SHISA9: variants seen among roughly 807,000 people sequenced by gnomAD.
SHISA9 encodes the protein shisa family member 9.
A neutral mutation model predicts 38.0 loss-of-function variants in SHISA9; 13 were observed. The observed-to-expected ratio is 0.34, with a 90% CI of 0.22 to 0.54. The LOEUF (loss-of-function observed/expected upper bound fraction) is 0.54, where lower values mean the gene tolerates loss of function less well. Among genes scored for constraint, SHISA9 ranks in the 20% least tolerant of loss-of-function variants. The pLI is 0.91. For missense variants in SHISA9, 538 were observed against 575.8 expected, an observed-to-expected ratio of 0.93 and a Z score of 0.67; for synonymous variants, 275 against 242.0, an observed-to-expected ratio of 1.14 and a Z score of -1.27.
At chr16:13,032,112 C>G (rs1035169705) in intron 2 of SHISA9, among the ~76,000 whole-genome samples, 2 of 151,884 alleles carry the variant, frequency 1.3e-5, no homozygotes, top group Non-Finnish European at 2.9e-5. Context: ...ACCTATCAAC[C>G]TGTCATTTAG....
At chr16:13,418,698 G>C in the SHISA9 span, among the ~76,000 whole-genome samples, 1 of 152,162 alleles carries the variant, frequency 6.6e-6, no homozygotes, top group East Asian at 1.9e-4. Flanking sequence ...GCAAAGAGAT[G>C]GCATGATTTT....
chr16:13,374,355 C>T, the SHISA9 span, among the ~76,000 whole-genome samples: 3 of 152,136 alleles, frequency 2.0e-5, no homozygotes, highest in African/African-American at 7.2e-5. Context: ...GTGATGTTCC[C>T]CACCTTGTGT....
intron 2 of SHISA9, among the ~76,000 whole-genome samples, chr16:13,042,043 CAG>C (rs1015859220): frequency 1.3e-5 from 2 of 152,140 alleles, no homozygotes; most frequent in Admixed American, 1.3e-4. Context: ...GCTGGCTAAT[CAG>C]GGGGATATTT....
At chr16:13,526,641 C>T in the SHISA9 span, among the ~76,000 whole-genome samples, 101 of 152,302 alleles carry the variant, frequency 6.6e-4, 2 homozygotes, top group South Asian at 0.019. Flanking sequence ...CTGCCTCGGC[C>T]TCCCAAAGTG....
At chr16:13,179,028 T>A (rs1049173230) in intron 2 of SHISA9, among the ~76,000 whole-genome samples, 1 of 152,184 alleles carries the variant, frequency 6.6e-6, no homozygotes, top group African/African-American at 2.4e-5. Context: ...TATAACAACA[T>A]CATCCCTCTA....
At chr16:13,402,604 C>G in the SHISA9 span, among the ~76,000 whole-genome samples, 10 of 151,410 alleles carry the variant, frequency 6.6e-5, no homozygotes, top group Admixed American at 6.6e-4. Flanking sequence ...AACCACCTCC[C>G]GGGTTGAAGC....
intron 2 of SHISA9, among the ~76,000 whole-genome samples, chr16:12,999,817 C>A (rs964077228): frequency 6.6e-6 from 1 of 152,172 alleles, no homozygotes; most frequent in Non-Finnish European, 1.5e-5. Context: ...GGAGGATATA[C>A]TCCTGCTTCC....
chr16:13,025,328 C>T (rs2072907688), intron 2 of SHISA9, among the ~76,000 whole-genome samples: 1 of 152,196 alleles, frequency 6.6e-6, no homozygotes, highest in Non-Finnish European at 1.5e-5. Context: ...CACTGCAGAC[C>T]TGCTGAATTA....
chr16:12,970,078 C>A (rs946659038), intron 2 of SHISA9, among the ~76,000 whole-genome samples: 1 of 150,656 alleles, frequency 6.6e-6, no homozygotes, highest in African/African-American at 2.4e-5. Flanking sequence ...AATAAATGGG[C>A]TTTATTATGT....
In SHISA9 at chr16:13,237,851, C is replaced by T. The variant is rs541888634; in HGVS notation, c.*2442C>T. On this transcript the variant is annotated 3_prime_UTR_variant, in exon 5 of 5. Transcript: ENST00000558583. ...CTGGGCATGGTCAGAGTTTCCTTGA[C>T]GTTAATGAGCTATGTACCTGCAACA... 20 of 152,116 alleles carry T rather than the reference C, an allele frequency of 1.3e-4. No homozygotes were observed. Among genetic ancestry groups the T allele is most frequent in the Non-Finnish European group, 2.5e-4 (17 of 68,002 alleles). 9.4% of individuals were successfully genotyped at this position (152,116 alleles called of 1,614,324 possible).
intron 2 of SHISA9, among the ~76,000 whole-genome samples, chr16:13,037,461 G>A (rs563537981): frequency 3.7e-4 from 57 of 152,170 alleles, no homozygotes; most frequent in African/African-American, 1.3e-3. Context: ...GTTGGGGGAG[G>A]GGAGCAGCAG....
At chr16:13,088,890 G>A (rs1051814583) in intron 2 of SHISA9, among the ~76,000 whole-genome samples, 17 of 152,304 alleles carry the variant, frequency 1.1e-4, no homozygotes, top group African/African-American at 3.6e-4. Context: ...CCTTGTGCCA[G>A]TTTTCAAAGG....
intron 2 of SHISA9, among the ~76,000 whole-genome samples, chr16:13,025,190 T>C (rs1319462991): frequency 6.6e-6 from 1 of 152,238 alleles, no homozygotes; most frequent in Non-Finnish European, 1.5e-5. Flanking sequence ...TATACAGGGA[T>C]ACATTTGTAG....
At chr16:13,194,391 G>A (rs2050917102) in intron 2 of SHISA9, among the ~76,000 whole-genome samples, 1 of 152,200 alleles carries the variant, frequency 6.6e-6, no homozygotes, top group Admixed American at 6.5e-5. Flanking sequence ...GAGTCAGACT[G>A]TCAGGTTCAA....
chr16:13,539,331 T>A, the SHISA9 span, among the ~76,000 whole-genome samples: 7,720 of 36,080 alleles, frequency 0.21, 818 homozygotes, highest in East Asian at 0.36. Context: ...GACAGGATCT[T>A]TATATATATA....
intron 2 of SHISA9, among the ~76,000 whole-genome samples, chr16:13,129,178 A>ACAGT (rs1158099047): frequency 6.6e-6 from 1 of 152,228 alleles, no homozygotes; most frequent in Admixed American, 6.5e-5. Context: ...TGTTTCAGTG[A>ACAGT]CAGTGAATAT....
At chr16:13,071,583 T>TCCTC in intron 2 of SHISA9, among the ~76,000 whole-genome samples, 1 of 144,898 alleles carries the variant, frequency 6.9e-6, no homozygotes, top group African/African-American at 2.7e-5. Flanking sequence ...CTTCCTCCCT[T>TCCTC]CCTTCCTTCC....
At chr16:13,382,701 A>G in the SHISA9 span, among the ~76,000 whole-genome samples, 5 of 151,764 alleles carry the variant, frequency 3.3e-5, no homozygotes, top group Non-Finnish European at 5.9e-5. Context: ...TGTATCAAAA[A>G]TAAAAAATTA....
At chr16:13,488,151 T>A in the SHISA9 span, among the ~76,000 whole-genome samples, 2 of 151,854 alleles carry the variant, frequency 1.3e-5, no homozygotes, top group African/African-American at 2.4e-5. Context: ...CCTTCCCCAC[T>A]CTTTCCACCT....
Sources: gnomAD v4.1 joint callset for allele counts (sites outside exome capture counted in the v4.1 genomes callset) on GRCh38, gnomAD v4.1.1 for gene constraint, MANE v1.5 for transcripts, NCBI Gene and HGNC (gene_info 2026-07-23, HGNC 2026-07-21) for gene names.